APPBP2: variants seen among roughly 807,000 people sequenced by gnomAD.
The protein encoded by APPBP2 is amyloid beta precursor protein binding protein 2, also known as amyloid protein-binding protein 2.
A neutral mutation model predicts 76.0 loss-of-function variants in APPBP2; 15 were observed. The observed-to-expected ratio is 0.20, with a 90% confidence interval of 0.13 to 0.30. APPBP2 has a LOEUF of 0.30. Among genes scored for constraint, APPBP2 ranks in the 10% least tolerant of loss-of-function variants. The probability of loss-of-function intolerance (pLI) is 1.00; values close to 1 mark genes in which losing one functional copy is unlikely to be tolerated. For synonymous variants in APPBP2, 222 were observed against 242.2 expected (o/e 0.92, Z 0.77); for missense variants, 401 against 687.2 (o/e 0.58, Z 4.66).
intron 1 of APPBP2, among the ~76,000 whole-genome samples, chr17:60,525,099 A>AC (rs2091041436): frequency 6.6e-6 from 1 of 152,228 alleles, no homozygotes; most frequent in Non-Finnish European, 1.5e-5. Context: ...AAACACAGGA[A>AC]CATAATCTAA....
rs537742926 is a variant in APPBP2, at chr17:60,493,992, C to T, written c.379+474G>A. ...TTGCTTTTACATTTCTTTTCACTAT[C>T]CTCATAACATCCACATGAGGAAATA... On this transcript the variant is annotated intron_variant, in intron 3 of 12. Transcript: ENST00000083182. Among the ~76,000 whole-genome samples, 9 of 152,282 alleles carry T rather than the reference C, an allele frequency of 5.9e-5. No individual in the cohort carries two copies. In the East Asian group the frequency reaches 1.7e-3, roughly 29 times the overall value.
rs1598345488 is a variant in APPBP2, at chr17:60,451,770, C to A, written c.1504+110G>T. On this transcript the variant is annotated intron_variant, in intron 12 of 12. Coordinates refer to ENST00000083182, the MANE Select transcript of APPBP2 (RefSeq NM_006380.5). The stretch of plus-strand genomic sequence containing the variant: ...CTGGGATTACAGGTATGAGCCACCG[C>A]ACCCAGCCCCATTTAAGTCTTTAAT... 6.1e-6 allele frequency: 6 copies of A among 977,854 alleles called. No individual in the cohort carries two copies. The East Asian group carries it at 1.6e-4, about 27-fold the overall frequency. The allele number at this position is 977,854 out of a possible 1,614,324, so 60.6% of individuals were successfully genotyped here.
intron 1 of APPBP2, among the ~76,000 whole-genome samples, chr17:60,505,692 T>TTTTTTTTTTG (rs2090862202): frequency 7.0e-6 from 1 of 142,234 alleles, no homozygotes; most frequent in African/African-American, 2.8e-5. Context: ...TTTTTTTTTT[T>TTTTTTTTTTG]TTTTTTTTTT....
At chr17:60,519,060 C>T (rs1420258370) in intron 1 of APPBP2, among the ~76,000 whole-genome samples, 1 of 152,124 alleles carries the variant, frequency 6.6e-6, no homozygotes, top group Non-Finnish European at 1.5e-5. Flanking sequence ...TGCCAAGCTT[C>T]AAATGATCCT....
rs1217234093 is a variant in APPBP2, at chr17:60,446,856, G to C, written c.*725C>G. On this transcript the variant is annotated 3_prime_UTR_variant, in exon 13 of 13. Transcript: ENST00000083182. ...AAGTAACCACCTTCTACATTAGGCT[G>C]GTCCTTTTTAGATCCTCCTGGTCCT... 6.6e-6 allele frequency: 1 copy of C among 152,238 alleles called. No individual in the cohort carries two copies. Among genetic ancestry groups the C allele is most frequent in the East Asian group, 1.9e-4 (1 of 5,186 alleles). The allele number at this position is 152,238 out of a possible 1,614,324, so 9.4% of individuals were successfully genotyped here. A position where few individuals can be genotyped will look rare whatever the true frequency, so the allele number is the denominator to read the frequency against.
chr17:60,489,340 G>A (rs1248955288), intron 3 of APPBP2, among the ~76,000 whole-genome samples: 1 of 152,130 alleles, frequency 6.6e-6, no homozygotes, highest in Non-Finnish European at 1.5e-5. Context: ...GCCAGGCACG[G>A]TGCCTCAGGC....
Position 60,444,819 on chromosome 17 carries a change from G to C in APPBP2, c.*2762C>G, listed in dbSNP as rs954718352. 6.6e-6 allele frequency: 1 copy of C among 152,546 alleles called. No individual in the cohort carries two copies. Among genetic ancestry groups the C allele is most frequent in the African/African-American group, 2.4e-5 (1 of 41,430 alleles). The allele number at this position is 152,546 out of a possible 1,614,324, so 9.4% of individuals were successfully genotyped here. On this transcript the variant is annotated 3_prime_UTR_variant, in exon 13 of 13. Coordinates refer to ENST00000083182, the MANE Select transcript of APPBP2 (RefSeq NM_006380.5). ...GGAGTAGCACCGAACTTTAGGAAAA[G>C]ACTGGGTAGAAGAGTCAGAGAAGGA...
At chr17:60,507,309 C>T (rs962061046) in intron 1 of APPBP2, among the ~76,000 whole-genome samples, 1 of 151,946 alleles carries the variant, frequency 6.6e-6, no homozygotes, top group Admixed American at 6.6e-5. Flanking sequence ...TCAACCTCTG[C>T]CTCCTGGGTT....
chr17:60,511,581 T>G (rs111248687), intron 1 of APPBP2, among the ~76,000 whole-genome samples: 1 of 143,816 alleles, frequency 7.0e-6, no homozygotes, highest in African/African-American at 2.6e-5. Context: ...AAGACTCCAT[T>G]GAAAAAAAAA....
In APPBP2 at chr17:60,526,218, T is replaced by A; in HGVS notation, c.-287A>T. 1 of 349,134 alleles carries A rather than the reference T, an allele frequency of 2.9e-6. No homozygotes were observed. The highest frequency in any genetic ancestry group is 5.4e-6 in the Non-Finnish European group (1 of 185,422). The allele number at this position is 349,134 out of a possible 1,614,324, so 21.6% of individuals were successfully genotyped here. Reference sequence around the variant, plus strand: ...CCCGGGTTCCGTCCCAGCGCTGATCTCTGCAGGGGCGGGGCTGCGTGTGCG... The same window carrying A: ...CCCGGGTTCCGTCCCAGCGCTGATCACTGCAGGGGCGGGGCTGCGTGTGCG... On this transcript the variant is annotated 5_prime_UTR_variant, in exon 1 of 13. Coordinates refer to ENST00000083182, the MANE Select transcript of APPBP2 (RefSeq NM_006380.5).
At chr17:60,521,142 T>C (rs575712542) in intron 1 of APPBP2, among the ~76,000 whole-genome samples, 3 of 152,176 alleles carry the variant, frequency 2.0e-5, no homozygotes, top group Non-Finnish European at 4.4e-5. Flanking sequence ...TATACCAAAA[T>C]GGTTGCACGC....
Position 60,503,531 on chromosome 17 carries a change from G to A in APPBP2, c.139-3044C>T, listed in dbSNP as rs189780407. On this transcript the variant is annotated intron_variant, in intron 1 of 12. Transcript: ENST00000083182. ...CTCTGGAGTAGCTGGGATTACAGGCGCCCGCCACCACGCCCAGCTAATTTT... is the reference window on the plus strand; with the variant it reads ...CTCTGGAGTAGCTGGGATTACAGGCACCCGCCACCACGCCCAGCTAATTTT... Among the ~76,000 whole-genome samples the A allele has an allele frequency of 1.8e-3, 264 of 145,090 alleles. 12 individuals carry two copies. The highest frequency in any genetic ancestry group is 0.017 in the Admixed American group (260 of 15,022).
intron 2 of APPBP2, among the ~76,000 whole-genome samples, chr17:60,495,266 G>A (rs1009846915): frequency 5.9e-5 from 9 of 151,842 alleles, no homozygotes; most frequent in South Asian, 2.1e-4. Flanking sequence ...GATTACAGGT[G>A]TGAGCCACCA....
At chr17:60,494,372 T>A (rs1028758590) in intron 3 of APPBP2, 94 bp downstream of exon 3, 1 of 1,412,814 alleles carries the variant, frequency 7.1e-7, no homozygotes, top group Non-Finnish European at 9.7e-7. Flanking sequence ...CCTTCTTACG[T>A]AGACTTTGGG....
intron 1 of APPBP2, among the ~76,000 whole-genome samples, chr17:60,506,833 C>T (rs1041587488): frequency 4.6e-5 from 7 of 152,132 alleles, no homozygotes; most frequent in Admixed American, 3.9e-4. Flanking sequence ...GTCAAGAGAT[C>T]GAGACCATCC....
rs966514674 is a variant in APPBP2 at position 60,466,517 on chromosome 17, T to G, written c.504-58A>C. 1.5e-5 allele frequency: 23 copies of G among 1,513,396 alleles called. No individual in the cohort carries two copies. In the African/African-American group the frequency reaches 2.2e-4, roughly 14 times the overall value. 93.7% of individuals were successfully genotyped at this position (1,513,396 alleles called of 1,614,324 possible). A position where few individuals can be genotyped will look rare whatever the true frequency, so the allele number is the denominator to read the frequency against. Reference sequence around the variant, plus strand: ...GATATTTTCAGCTTGGTAGACCTGATGACCTCTTACCAATCACCTGAATGA... The same window carrying G: ...GATATTTTCAGCTTGGTAGACCTGAGGACCTCTTACCAATCACCTGAATGA... On this transcript the variant is annotated intron_variant, in intron 4 of 12. Transcript: ENST00000083182.
intron 4 of APPBP2, among the ~76,000 whole-genome samples, chr17:60,475,336 C>T (rs2090582073): frequency 6.6e-6 from 1 of 152,140 alleles, no homozygotes; most frequent in Non-Finnish European, 1.5e-5. Context: ...AACTCCTTGG[C>T]TCAAACGATC....
chr17:60,525,780 C>T lies in APPBP2; in HGVS notation c.138+14G>A, dbSNP rs766244222. Reference sequence around the variant, plus strand: ...TTGCTGGAGGAGAGCAGAGAGGAGGCCCACGGCGCATACCTTGTAGTAAAC... The same window carrying T: ...TTGCTGGAGGAGAGCAGAGAGGAGGTCCACGGCGCATACCTTGTAGTAAAC... On this transcript the variant is annotated intron_variant, in intron 1 of 12. Coordinates refer to ENST00000083182, the MANE Select transcript of APPBP2 (RefSeq NM_006380.5). The T allele has an allele frequency of 6.2e-7, 1 of 1,612,976 alleles. No homozygotes were observed. Among genetic ancestry groups the T allele is most frequent in the South Asian group, 1.1e-5 (1 of 91,018 alleles).
intron 11 of APPBP2, among the ~76,000 whole-genome samples, chr17:60,452,380 A>T (rs1467461010): frequency 1.3e-5 from 2 of 152,242 alleles, no homozygotes; most frequent in Non-Finnish European, 2.9e-5. Context: ...AAACATTCTA[A>T]AACAAAAATT....
Sources: gnomAD v4.1 joint callset for allele counts (sites outside exome capture counted in the v4.1 genomes callset) on GRCh38, gnomAD v4.1.1 for gene constraint, MANE v1.5 for transcripts, NCBI Gene and HGNC (gene_info 2026-07-23, HGNC 2026-07-21) for gene names.